The following PLAC1 variants were observed in gnomAD, a reference collection of about 807,000 sequenced individuals.
PLAC1 encodes placenta-specific protein 1.
For synonymous variants in PLAC1, 68 were observed against 62.1 expected (o/e 1.09, Z -0.44); for missense variants, 136 against 163.2 (o/e 0.83, Z 0.91).
At chrX:134,693,121 A>G (rs1165100346) in intron 2 of PLAC1, among the ~76,000 whole-genome samples, 1 of 111,340 alleles carries the variant, frequency 9.0e-6, no homozygotes, top group Non-Finnish European at 1.9e-5. Flanking sequence ...CCAACAGCAT[A>G]TTTTATTATT....
intron 2 of PLAC1, among the ~76,000 whole-genome samples, chrX:134,729,822 G>A (rs2078683655): frequency 2.7e-5 from 3 of 109,340 alleles, no homozygotes; most frequent in South Asian, 3.9e-4. Flanking sequence ...ACGGAGTTTC[G>A]CTCTTGTTCC....
chrX:134,701,914 G>C (rs1455439969), intron 2 of PLAC1, among the ~76,000 whole-genome samples: 1 of 111,670 alleles, frequency 9.0e-6, no homozygotes, highest in African/African-American at 3.3e-5. Context: ...GCTACTTGCG[G>C]GGGCTAAGTC....
intron 1 of PLAC1, 86 bp downstream of exon 1, chrX:134,658,242 G>A (rs775164239): frequency 8.9e-6 from 1 of 112,447 alleles, no homozygotes; most frequent in East Asian, 2.8e-4. Flanking sequence ...AAGGCATAAG[G>A]TGACCTAAGC....
intron 2 of PLAC1, among the ~76,000 whole-genome samples, chrX:134,691,202 T>G (rs1040350193): frequency 3.9e-4 from 41 of 104,474 alleles, no homozygotes; most frequent in African/African-American, 1.4e-3. Context: ...CTGATACATG[T>G]GGAGAAGCTA....
intron 2 of PLAC1, among the ~76,000 whole-genome samples, chrX:134,663,865 A>G (rs1392026965): frequency 8.9e-6 from 1 of 112,298 alleles, no homozygotes. Context: ...TCATTAGTAC[A>G]AATTAATAAA....
chrX:134,660,106 ATTT>A (rs66486462), upstream of PLAC1, among the ~76,000 whole-genome samples: 1 of 96,453 alleles, frequency 1.0e-5, no homozygotes. Context: ...ATGTTCAAAG[ATTT>A]TTTTTTTTTT....
At chrX:134,632,539 G>C (rs1232797438) in intron 1 of PLAC1, among the ~76,000 whole-genome samples, 3 of 111,342 alleles carry the variant, frequency 2.7e-5, no homozygotes, top group Non-Finnish European at 5.7e-5. Context: ...CCTTCTAACT[G>C]ATCTCCTCTT....
intron 1 of PLAC1, among the ~76,000 whole-genome samples, chrX:134,633,535 G>T (rs2078271176): frequency 9.0e-6 from 1 of 111,613 alleles, no homozygotes; most frequent in African/African-American, 3.3e-5. Flanking sequence ...GTTGGTCAGG[G>T]CTAATTTGTA....
rs201700562 is a variant in PLAC1 at position 134,665,126 on chromosome X, G to GTGTGTATGTT, written n.175-63005_175-63004insAACATACACA. On this transcript the variant is annotated intron_variant and non_coding_transcript_variant, in intron 2 of 2. Coordinates refer to the PLAC1 transcript ENST00000466797. ...AGTGTGTTTGTGTGTGTGTGTGTTT[G>GTGTGTATGTT]TGTGTATGTGTGTTTGTGTGTGTGT... Among the ~76,000 whole-genome samples the GTGTGTATGTT allele has an allele frequency of 7.8e-3, 855 of 109,784 alleles. 11 individuals are homozygous for GTGTGTATGTT. Among genetic ancestry groups the GTGTGTATGTT allele is most frequent in the African/African-American group, 0.027 (822 of 30,020 alleles).
chrX:134,754,854 G>A (rs1279498916), intron 1 of PLAC1, among the ~76,000 whole-genome samples: 5 of 95,865 alleles, frequency 5.2e-5, no homozygotes, highest in Non-Finnish European at 1.0e-4. Flanking sequence ...CAAAAGTAAA[G>A]CTAAAATACT....
In PLAC1 at chrX:134,611,580, T is replaced by C. The variant is rs769938316; in HGVS notation, c.-130-9458A>G. The stretch of plus-strand genomic sequence containing the variant: ...GTATATATATGCATATATACATATG[T>C]ATATATATATGCATATATATTTGCA... On this transcript the variant is annotated intron_variant, in intron 1 of 2. Coordinates refer to ENST00000359237, the MANE Select transcript of PLAC1 (RefSeq NM_021796.4). 2.8e-5 allele frequency among the ~76,000 whole-genome samples: 3 copies of C among 107,852 alleles called. No homozygotes were observed. In the East Asian group the frequency reaches 8.7e-4, roughly 31 times the overall value. The allele number at this position is 107,852 out of a possible 115,157, so 93.7% of individuals were successfully genotyped here.
At chrX:134,734,542 C>T (rs1178365074) in intron 1 of PLAC1, among the ~76,000 whole-genome samples, 1 of 112,399 alleles carries the variant, frequency 8.9e-6, no homozygotes, top group Non-Finnish European at 1.9e-5. Flanking sequence ...TGTTTCAAGG[C>T]CTCTCACAGG....
chrX:134,581,711 T>C (rs939464558), intron 2 of PLAC1, among the ~76,000 whole-genome samples: 20 of 110,528 alleles, frequency 1.8e-4, no homozygotes, highest in Non-Finnish European at 2.8e-4. Flanking sequence ...ACTCCTGACC[T>C]CAAGTGATCC....
intron 2 of PLAC1, among the ~76,000 whole-genome samples, chrX:134,581,476 CTTTTTT>C (rs35457928): frequency 2.2e-4 from 13 of 58,931 alleles, no homozygotes; most frequent in African/African-American, 8.3e-4. Flanking sequence ...TTCTCAGACT[CTTTTTT>C]TTTTTTTTTT....
At chrX:134,616,925 G>A (rs111431367) in intron 1 of PLAC1, among the ~76,000 whole-genome samples, 4,849 of 107,236 alleles carry the variant, frequency 0.045, 301 homozygotes, top group African/African-American at 0.15. Flanking sequence ...ATAGGCAGCC[G>A]CCATCACGTC....
At chrX:134,673,036 TC>T (rs1256475724) in intron 2 of PLAC1, among the ~76,000 whole-genome samples, 2 of 112,334 alleles carry the variant, frequency 1.8e-5, no homozygotes, top group Non-Finnish European at 1.9e-5. Flanking sequence ...TTTTGGAGAA[TC>T]CAGTAAGTGC....
At chrX:134,714,100 G>C (rs1032676887) in intron 2 of PLAC1, among the ~76,000 whole-genome samples, 1 of 111,829 alleles carries the variant, frequency 8.9e-6, no homozygotes, top group Non-Finnish European at 1.9e-5. Context: ...TTTTACCTCA[G>C]GCCAGTCCAA....
intron 2 of PLAC1, among the ~76,000 whole-genome samples, chrX:134,717,499 G>A (rs913329023): frequency 1.2e-4 from 13 of 111,719 alleles, no homozygotes; most frequent in Non-Finnish European, 2.4e-4. Context: ...GACCTCAAGC[G>A]ATCCGCCTGC....
chrX:134,592,696 C>T lies in PLAC1; in HGVS notation c.-59+9355G>A, dbSNP rs180781382. On this transcript the variant is annotated intron_variant, in intron 2 of 2. Transcript: ENST00000359237. ...CCAATTCCTTAATCAATCAATCAATCAATCAATCTCTCTCTCTGTGTCTCT... is the reference window on the plus strand; with the variant it reads ...CCAATTCCTTAATCAATCAATCAATTAATCAATCTCTCTCTCTGTGTCTCT... Among the ~76,000 whole-genome samples the T allele has an allele frequency of 7.3e-3, 770 of 105,416 alleles. 10 individuals are homozygous for T. The highest frequency in any genetic ancestry group is 0.025 in the African/African-American group (718 of 28,942). The allele number at this position is 105,416 out of a possible 115,157, so 91.5% of individuals were successfully genotyped here.
Sources: gnomAD v4.1 joint callset for allele counts (sites outside exome capture counted in the v4.1 genomes callset) on GRCh38, gnomAD v4.1.1 for gene constraint, MANE v1.5 for transcripts, NCBI Gene and HGNC (gene_info 2026-07-23, HGNC 2026-07-21) for gene names.